The following ATXN1 variants were observed in gnomAD, a reference collection of about 807,000 sequenced individuals.
The protein encoded by ATXN1 is ataxin 1, also known as ataxin-1.
Under a neutral mutation model 56.4 loss-of-function variants are expected in ATXN1, and 8 were observed. The ratio of observed to expected loss-of-function variants is 0.14; its 90% CI spans 0.08 to 0.26. The LOEUF (loss-of-function observed/expected upper bound fraction) is 0.26. Among genes scored for constraint, ATXN1 ranks in the 10% least tolerant of loss-of-function variants. ATXN1 has a pLI of 1.00. For synonymous variants in ATXN1, 514 were observed against 494.6 expected (o/e 1.04, Z -0.52); for missense variants, 987 against 1,106.5 (o/e 0.89, Z 1.53).
At chr6:16,525,585 T>C (rs1761374889) in intron 4 of ATXN1, among the ~76,000 whole-genome samples, 1 of 151,986 alleles carries the variant, frequency 6.6e-6, no homozygotes, top group Non-Finnish European at 1.5e-5. Flanking sequence ...AAAAAGTAGT[T>C]AGAATAAATA....
intron 2 of ATXN1, among the ~76,000 whole-genome samples, chr6:16,697,158 A>T (rs756026754): frequency 3.3e-5 from 5 of 152,206 alleles, no homozygotes; most frequent in Non-Finnish European, 7.3e-5. Flanking sequence ...TCCATAACAG[A>T]ACATATATTA....
intron 3 of ATXN1, among the ~76,000 whole-genome samples, chr6:16,591,579 C>T (rs1762724169): frequency 1.3e-5 from 2 of 152,136 alleles, no homozygotes; most frequent in Non-Finnish European, 2.9e-5. Flanking sequence ...ATTGCTCTTC[C>T]TTTAAGATTC....
intron 6 of ATXN1, among the ~76,000 whole-genome samples, chr6:16,439,505 T>C (rs1759469960): frequency 6.6e-6 from 1 of 151,782 alleles, no homozygotes; most frequent in South Asian, 2.1e-4. Flanking sequence ...AAGCCTAAAC[T>C]TGATCTAAAT....
At chr6:16,439,634 T>G (rs922753485) in intron 6 of ATXN1, among the ~76,000 whole-genome samples, 70 of 152,300 alleles carry the variant, frequency 4.6e-4, no homozygotes, top group East Asian at 5.8e-4. Flanking sequence ...CTTGTTTTGT[T>G]TTTCAAAGCA....
chr6:16,622,820 C>T (rs1049094163), intron 3 of ATXN1, among the ~76,000 whole-genome samples: 3 of 152,042 alleles, frequency 2.0e-5, no homozygotes, highest in Admixed American at 6.5e-5. Context: ...ACTCTCAGAA[C>T]AGAGAAAAAC....
intron 5 of ATXN1, among the ~76,000 whole-genome samples, chr6:16,497,541 C>T (rs1489086637): frequency 2.0e-5 from 3 of 152,322 alleles, no homozygotes; most frequent in South Asian, 2.1e-4. Flanking sequence ...AATTTACATT[C>T]TTGTTCGTGT....
chr6:16,637,699 T>C (rs1763625250), intron 3 of ATXN1, among the ~76,000 whole-genome samples: 1 of 152,180 alleles, frequency 6.6e-6, no homozygotes, highest in Non-Finnish European at 1.5e-5. Flanking sequence ...TGAATTGGCA[T>C]GGGACAAGAA....
At chr6:16,614,215 G>T (rs1757690) in intron 3 of ATXN1, among the ~76,000 whole-genome samples, 2 of 149,910 alleles carry the variant, frequency 1.3e-5, no homozygotes, top group Admixed American at 1.3e-4. Flanking sequence ...CGCATCTTGA[G>T]AGTAGAGAGG....
At chr6:16,643,520 T>C (rs1210902518) in intron 3 of ATXN1, among the ~76,000 whole-genome samples, 3 of 149,134 alleles carry the variant, frequency 2.0e-5, no homozygotes, top group Non-Finnish European at 3.0e-5. Flanking sequence ...TCTCAGCTAC[T>C]TGGGAGGCTG....
At position 16,424,451 on chromosome 6, in the gene ATXN1, A is replaced by C. The variant is rs1759106878; in HGVS notation, c.-161+61521T>G. ...TCTCTTTGCTCCAGGCTGCACTGGC[A>C]AACCTTCGGCTATTTAATAATAGTA... is the stretch of plus-strand genomic sequence containing the variant. On this transcript the variant is annotated intron_variant, in intron 6 of 7. Transcript: ENST00000436367. Among the ~76,000 whole-genome samples, 4 of 152,174 alleles carry C rather than the reference A, an allele frequency of 2.6e-5. No homozygotes were observed. In the South Asian group the frequency reaches 8.3e-4, roughly 31 times the overall value.
chr6:16,702,198 G>A (rs1235596447), intron 2 of ATXN1, among the ~76,000 whole-genome samples: 2 of 152,136 alleles, frequency 1.3e-5, no homozygotes, highest in East Asian at 1.9e-4. Context: ...ACAACTATCC[G>A]ATCTTTGACA....
chr6:16,731,362 A>C (rs939196063), intron 2 of ATXN1, among the ~76,000 whole-genome samples: 1 of 151,916 alleles, frequency 6.6e-6, no homozygotes, highest in Non-Finnish European at 1.5e-5. Flanking sequence ...ACTGAGCTGC[A>C]ATGAGAAATG....
rs1262868137 is a variant in ATXN1, at chr6:16,694,240, TTTTTTTTTTTTC to T, written c.-614-36351_-614-36340del. On this transcript the variant is annotated intron_variant, in intron 2 of 7. Coordinates refer to ENST00000436367, the MANE Select transcript of ATXN1 (RefSeq NM_001128164.2). The stretch of plus-strand genomic sequence containing the variant: ...TTTACTGGGTAAGTTTTGTCACTTC[TTTTTTTTTTTTC>T]TTTTTTTTTTTTTTTTAAGAGACGG... 2.8e-5 allele frequency among the ~76,000 whole-genome samples: 4 copies of T among 142,262 alleles called. No homozygotes were observed. In the South Asian group the frequency reaches 6.6e-4, roughly 23 times the overall value. 93.3% of individuals were successfully genotyped at this position (142,262 alleles called of 152,430 possible).
intron 3 of ATXN1, among the ~76,000 whole-genome samples, chr6:16,646,114 TG>T (rs1763794744): frequency 6.6e-6 from 1 of 152,086 alleles, no homozygotes; most frequent in Non-Finnish European, 1.5e-5. Flanking sequence ...TCCAGAGCTC[TG>T]GGAAGTTGGG....
intron 7 of ATXN1, among the ~76,000 whole-genome samples, chr6:16,313,656 G>A (rs761498962): frequency 1.3e-5 from 2 of 150,868 alleles, no homozygotes; most frequent in East Asian, 1.9e-4. Context: ...TCCTGGATTC[G>A]AGCGATTCTC....
chr6:16,316,865 C>CTTTTTTTTTTTTTTTTTTTTTTT lies in ATXN1; in HGVS notation c.1917+9506_1917+9528dup, dbSNP rs375359789. The stretch of plus-strand genomic sequence containing the variant: ...AGGGGGCAATAGAGAGACTGCCTGT[C>CTTTTTTTTTTTTTTTTTTTTTTT]TTTTTTTTTTTTTTTTTTTTTTTTT... On this transcript the variant is annotated intron_variant, in intron 7 of 7. Transcript: ENST00000436367. Among the ~76,000 whole-genome samples the CTTTTTTTTTTTTTTTTTTTTTTT allele has an allele frequency of 1.6e-4, 16 of 99,460 alleles. 3 individuals carry two copies. Among genetic ancestry groups the CTTTTTTTTTTTTTTTTTTTTTTT allele is most frequent in the South Asian group, 1.3e-3 (3 of 2,348 alleles). 65.2% of individuals were successfully genotyped at this position (99,460 alleles called of 152,430 possible). A position where few individuals can be genotyped will look rare whatever the true frequency, so the allele number is the denominator to read the frequency against.
At chr6:16,400,272 T>C (rs1281414967) in intron 6 of ATXN1, among the ~76,000 whole-genome samples, 1 of 152,204 alleles carries the variant, frequency 6.6e-6, no homozygotes, top group Non-Finnish European at 1.5e-5. Context: ...GAACATTCTC[T>C]CCAACCCAGA....
intron 7 of ATXN1, among the ~76,000 whole-genome samples, chr6:16,319,996 G>A (rs1431028591): frequency 6.6e-6 from 1 of 152,112 alleles, no homozygotes; most frequent in East Asian, 1.9e-4. Context: ...TCCAGGGCTG[G>A]GCTCTGCACA....
chr6:16,662,473 C>T (rs1336953616), intron 2 of ATXN1, among the ~76,000 whole-genome samples: 5 of 152,202 alleles, frequency 3.3e-5, no homozygotes, highest in Admixed American at 2.6e-4. Context: ...GCTGGGATTA[C>T]AGGCACACGC....
Sources: gnomAD v4.1 joint callset for allele counts (sites outside exome capture counted in the v4.1 genomes callset) on GRCh38, gnomAD v4.1.1 for gene constraint, MANE v1.5 for transcripts, NCBI Gene and HGNC (gene_info 2026-07-23, HGNC 2026-07-21) for gene names.